DUOX2: variants seen among roughly 807,000 people sequenced by gnomAD.
DUOX2 encodes NADH/NADPH thyroid oxidase p138-tox.
DUOX2 carries 185 observed loss-of-function variants against 183.3 expected under a neutral mutation model. That is an observed-to-expected ratio of 1.01 (90% CI 0.90 to 1.14). DUOX2 has a LOEUF of 1.14. Ranked by LOEUF, DUOX2 falls within the 50% of genes most tolerant of loss-of-function variation. DUOX2 has a pLI of 0.00. For synonymous variants in DUOX2, 788 were observed against 812.4 expected (o/e 0.97, Z 0.51); for missense variants, 1,999 against 2,022.9 (o/e 0.99, Z 0.23).
chr15:45,112,134 T>C (rs1426390209), intron 4 of DUOX2, among the ~76,000 whole-genome samples, 179 bp from the exon 5 acceptor site: 2 of 152,198 alleles, frequency 1.3e-5, no homozygotes, highest in African/African-American at 4.8e-5. Context: ...AGTAAGACTA[T>C]AGTGAGTTCC....
Position 45,095,867 on chromosome 15 carries a change from G to C in DUOX2, c.4041C>G (p.Tyr1347Ter). 6.2e-7 allele frequency: 1 copy of C among 1,614,128 alleles called. No homozygotes were observed. Among genetic ancestry groups the C allele is most frequent in the Non-Finnish European group, 8.5e-7 (1 of 1,180,014 alleles). Residue 1347 changes from tyrosine to a stop codon, truncating the protein, a stop_gained, in exon 30 of 34, where the codon TAC becomes TAG. Transcript: ENST00000389039. LOFTEE classifies it high-confidence loss of function. The part of the protein sequence containing the change: ...GPWTTRLREI[Y>*]SSPKGNGCAG... The stretch of plus-strand genomic sequence containing the variant: ...CACAGCCATTGCCCTTTGGGGATGA[G>C]TAGATCTCCCTGAGGCGAGTGGTCC...
intron 23 of DUOX2, 145 bp from the exon 24 acceptor site, chr15:45,100,373 C>T (rs1894049265): frequency 4.2e-6 from 3 of 714,910 alleles, no homozygotes; most frequent in Middle Eastern, 4.0e-4. Flanking sequence ...CTGGGGGCTT[C>T]TTCCTCCTCC....
At chr15:45,107,867 A>AAAAAAAAG in intron 13 of DUOX2, among the ~76,000 whole-genome samples, 180 bp downstream of exon 13, 1 of 15,392 alleles carries the variant, frequency 6.5e-5, no homozygotes, top group African/African-American at 1.4e-4. Flanking sequence ...AAAAAAAAAA[A>AAAAAAAAG]AAAAAGAAAA....
At position 45,101,796 on chromosome 15, in the gene DUOX2, TTCCACC is replaced by T; in HGVS notation, c.2842_2847del (p.Gly948_Gly949del). ...CAACCATTCCTCACACACTCACCAT[TTCCACC>T]TCCACCTCCACCTTTGACACAGAGC... On this transcript the variant is annotated inframe_deletion, in exon 21 of 34. Coordinates refer to ENST00000389039, the MANE Select transcript of DUOX2 (RefSeq NM_001363711.2). The T allele has an allele frequency of 6.2e-7, 1 of 1,614,104 alleles. No individual in the cohort carries two copies. Among genetic ancestry groups the T allele is most frequent in the Non-Finnish European group, 8.5e-7 (1 of 1,180,016 alleles).
At chr15:45,107,222 G>C (rs544333551) in intron 14 of DUOX2, 123 bp downstream of exon 14, 7 of 1,345,028 alleles carry the variant, frequency 5.2e-6, no homozygotes, top group East Asian at 2.3e-5. Flanking sequence ...CCAAATGCAG[G>C]CCTCCTAGCC....
At chr15:45,113,478 C>T (rs1894510792) in intron 1 of DUOX2, 53 bp from the exon 2 acceptor site, 2 of 1,397,564 alleles carry the variant, frequency 1.4e-6, no homozygotes, top group African/African-American at 1.4e-5. Flanking sequence ...ACTGTTAGGG[C>T]GTCCTCTATG....
chr15:45,113,573 C>A, intron 1 of DUOX2, 148 bp from the exon 2 acceptor site: 3 of 676,260 alleles, frequency 4.4e-6, no homozygotes, highest in South Asian at 1.7e-5. Context: ...GAAGCATCAC[C>A]GAGGACCTTC....
chr15:45,108,160 C>G lies in DUOX2; in HGVS notation c.1461G>C (p.Gly487=), dbSNP rs269860. The change falls in exon 13 of 34, where the codon GGG becomes GGC. Residue 487 remains glycine, a synonymous_variant. Coordinates refer to ENST00000389039, the MANE Select transcript of DUOX2 (RefSeq NM_001363711.2). Reference sequence around the variant, plus strand: ...GGTCCCCATGGCTCTCCAGGAGCCCCCCAAGGAGCAGCTCTAGCTGGGATA... The same window carrying G: ...GGTCCCCATGGCTCTCCAGGAGCCCGCCAAGGAGCAGCTCTAGCTGGGATA... ...QDLSQLELLL[G]GLLESHGDPG... is the part of the protein sequence containing the mutation. 1,541,700 of 1,614,096 alleles carry G rather than the reference C, an allele frequency of 0.96. 741,046 individuals are homozygous for G. Among genetic ancestry groups the G allele is most frequent in the South Asian group, 0.99 (89,799 of 91,088 alleles).
chr15:45,096,611 A>G (rs943119226), intron 29 of DUOX2, among the ~76,000 whole-genome samples: 2 of 152,222 alleles, frequency 1.3e-5, no homozygotes, highest in Non-Finnish European at 2.9e-5. Flanking sequence ...GCTGAGCCTC[A>G]GGCCTGATCT....
In DUOX2 at chr15:45,112,719, C is replaced by T; in HGVS notation, c.161-1G>A. On this transcript the variant is annotated splice_acceptor_variant, in intron 3 of 33. Coordinates refer to ENST00000389039, the MANE Select transcript of DUOX2 (RefSeq NM_001363711.2). LOFTEE classifies it high-confidence loss of function. ...GGTACGCGGCGCTGCAACCGGCAGCCTGCGGAGGCAGGGAGCGGGGCTCTG... is the reference window on the plus strand; with the variant it reads ...GGTACGCGGCGCTGCAACCGGCAGCTTGCGGAGGCAGGGAGCGGGGCTCTG... The T allele has an allele frequency of 6.2e-7, 1 of 1,611,386 alleles. No individual in the cohort carries two copies. Among genetic ancestry groups the T allele is most frequent in the African/African-American group, 1.3e-5 (1 of 75,040 alleles).
At chr15:45,105,500 G>A in intron 18 of DUOX2, 143 bp downstream of exon 18, 1 of 961,550 alleles carries the variant, frequency 1.0e-6, no homozygotes, top group Admixed American at 1.9e-5. Flanking sequence ...TAAGTAAAGT[G>A]GCAATGCCAG....
Position 45,112,713 on chromosome 15 carries a change from G to C in DUOX2, c.166C>G (p.Arg56Gly), listed in dbSNP as rs767614677. The C allele has an allele frequency of 1.6e-5, 26 of 1,611,506 alleles. No homozygotes were observed. The highest frequency in any genetic ancestry group is 2.7e-5 in the African/African-American group (2 of 75,038). Residue 56 changes from arginine (R) to glycine (G), a missense_variant, in exon 4 of 34, where the codon CGG (arginine) becomes GGG (glycine). Around this residue, in one of 3 missense-constraint regions of DUOX2, gnomAD observed 356 missense variants for 356.4 expected, o/e 1.00. Transcript: ENST00000389039. ...TTGGCTGGTACGCGGCGCTGCAACCGGCAGCCTGCGGAGGCAGGGAGCGGG... is the reference window on the plus strand; with the variant it reads ...TTGGCTGGTACGCGGCGCTGCAACCCGCAGCCTGCGGAGGCAGGGAGCGGG... ...RHHERGAVGC[R>G]LQRRVPANYA... is the part of the protein sequence containing the mutation.
Position 45,106,493 on chromosome 15 carries a change from G to T in DUOX2, c.1945+35C>A, listed in dbSNP as rs377285793. The T allele has an allele frequency of 3.7e-6, 6 of 1,606,572 alleles. No homozygotes were observed. In the South Asian group the frequency reaches 5.5e-5, roughly 15 times the overall value. ...CAGACTCCTGTCTCTCCCCTCCTCC[G>T]TCCCTCCTCCCTCCTCTGCCCAGCC... is the stretch of plus-strand genomic sequence containing the variant. On this transcript the variant is annotated intron_variant, in intron 16 of 33. Coordinates refer to ENST00000389039, the MANE Select transcript of DUOX2 (RefSeq NM_001363711.2).
At chr15:45,100,008 G>C in intron 24 of DUOX2, 42 bp downstream of exon 24, 1 of 1,614,070 alleles carries the variant, frequency 6.2e-7, no homozygotes, top group Non-Finnish European at 8.5e-7. Context: ...CCAAGGGTCA[G>C]AGCCTGCTCC....
Position 45,108,373 on chromosome 15 carries a change from C to T in DUOX2, c.1399-151G>A, listed in dbSNP as rs577815904. ...CTTAGGCAAGCCCCCTCAGGCAGGA[C>T]AAGTCTGGTGGAAGGATCAGTGTGT... is the stretch of plus-strand genomic sequence containing the variant. On this transcript the variant is annotated intron_variant, in intron 12 of 33. Coordinates refer to ENST00000389039, the MANE Select transcript of DUOX2 (RefSeq NM_001363711.2). 3.2e-4 allele frequency: 288 copies of T among 908,408 alleles called. No individual in the cohort carries two copies. In the Admixed American group the frequency reaches 6.1e-3, roughly 19 times the overall value. The allele number at this position is 908,408 out of a possible 1,614,324, so 56.3% of individuals were successfully genotyped here.
Position 45,103,957 on chromosome 15 carries a change from T to C in DUOX2, c.2654+3A>G, listed in dbSNP as rs1251717647. The C allele has an allele frequency of 1.9e-6, 3 of 1,614,054 alleles. No homozygotes were observed. The highest frequency in any genetic ancestry group is 2.2e-5 in the South Asian group (2 of 91,080). On this transcript the variant is annotated splice_donor_region_variant and intron_variant, in intron 20 of 33. Coordinates refer to ENST00000389039, the MANE Select transcript of DUOX2 (RefSeq NM_001363711.2). ...CTCAGGATTAGAAAGGCACACCCCA[T>C]ACCGCATCATGGTGAAGAATTCGTC...
rs977496719 is a variant in DUOX2, at chr15:45,101,682, C to A, written c.2851+111G>T. 7 of 1,400,200 alleles carry A rather than the reference C, an allele frequency of 5.0e-6. No homozygotes were observed. In the Admixed American group the frequency reaches 1.3e-4, roughly 25 times the overall value. 86.7% of individuals were successfully genotyped at this position (1,400,200 alleles called of 1,614,324 possible). On this transcript the variant is annotated intron_variant, in intron 21 of 33. Transcript: ENST00000389039. Reference sequence around the variant, plus strand: ...CCAATTACATGTGCTTGGTTCTATACTAGGTACCAAGGACTCAGAAAAGAG... The same window carrying A: ...CCAATTACATGTGCTTGGTTCTATAATAGGTACCAAGGACTCAGAAAAGAG...
At position 45,095,101 on chromosome 15, in the gene DUOX2, C is replaced by T. The variant is rs757899870; in HGVS notation, c.4240-10G>A. 4.6e-5 allele frequency: 74 copies of T among 1,612,576 alleles called. No homozygotes were observed. The highest frequency in any genetic ancestry group is 6.3e-5 in the Non-Finnish European group (74 of 1,179,604). ...CCCAGATGAAGTAGATCTGGGGACA[C>T]AGGGCTGGAGATCAGGACCCAGCTC... On this transcript the variant is annotated splice_polypyrimidine_tract_variant and intron_variant, in intron 31 of 33. Coordinates refer to ENST00000389039, the MANE Select transcript of DUOX2 (RefSeq NM_001363711.2).
chr15:45,100,757 T>C lies in DUOX2; in HGVS notation c.3003A>G (p.Lys1001=). Residue 1001 remains lysine, a splice_region_variant and synonymous_variant, in exon 23 of 34, where the codon AAA becomes AAG. Transcript: ENST00000389039. ...GGPGLKKRFG[K]KAAVPTPRLY... is the part of the protein sequence containing the mutation. ...CCAGGGATTTGGGAGACACTCACTT[T>C]TTGCCAAACCTCTTCTTCAGTCCAG... 1 of 1,614,110 alleles carries C rather than the reference T, an allele frequency of 6.2e-7. No homozygotes were observed. The highest frequency in any genetic ancestry group is 8.5e-7 in the Non-Finnish European group (1 of 1,179,964).
Sources: gnomAD v4.1 joint callset for allele counts (sites outside exome capture counted in the v4.1 genomes callset) on GRCh38, gnomAD v4.1.1 for gene constraint, gnomAD v4.1.1 regional missense constraint, MANE v1.5 for transcripts, NCBI Gene and HGNC (gene_info 2026-07-23, HGNC 2026-07-21) for gene names.